The following RNF144A variants were observed in gnomAD, a reference collection of about 807,000 sequenced individuals.
The protein encoded by RNF144A is E3 ubiquitin-protein ligase RNF144A.
A neutral mutation model predicts 38.7 loss-of-function variants in RNF144A; 11 were observed. The ratio of observed to expected loss-of-function variants is 0.28; its 90% CI spans 0.18 to 0.47. RNF144A has a LOEUF of 0.47. Among genes scored for constraint, RNF144A ranks in the 20% least tolerant of loss-of-function variants. RNF144A has a pLI of 0.99. For synonymous variants in RNF144A, 149 were observed against 143.9 expected, an observed-to-expected ratio of 1.04 and a Z score of -0.25; for missense variants, 316 against 377.2, an observed-to-expected ratio of 0.84 and a Z score of 1.34.
chr2:7,015,597 C>T (rs1191223081), intron 5 of RNF144A, among the ~76,000 whole-genome samples: 1 of 152,190 alleles, frequency 6.6e-6, no homozygotes, highest in East Asian at 1.9e-4. Context: ...AGGTCTTTAG[C>T]TCTGCTCTCT....
chr2:7,065,552 T>C (rs1558472531), intron 6 of RNF144A, among the ~76,000 whole-genome samples: 1 of 152,198 alleles, frequency 6.6e-6, no homozygotes, highest in South Asian at 2.1e-4. Flanking sequence ...TAAAATTAGG[T>C]TTAGTATTAA....
chr2:7,011,385 T>C (rs952044824), intron 3 of RNF144A, among the ~76,000 whole-genome samples: 2 of 152,200 alleles, frequency 1.3e-5, no homozygotes, highest in Admixed American at 6.5e-5. Flanking sequence ...AAGTTTTCAA[T>C]TGAGGAGTAA....
intron 6 of RNF144A, among the ~76,000 whole-genome samples, chr2:7,051,659 C>T (rs1486694655): frequency 3.3e-5 from 5 of 152,138 alleles, no homozygotes; most frequent in Admixed American, 6.5e-5. Flanking sequence ...GAGGCCAAGG[C>T]GGGTGGATGA....
At position 6,928,991 on chromosome 2, in the gene RNF144A, A is replaced by C. The variant is rs548036685; in HGVS notation, c.-212+11369A>C. Among the ~76,000 whole-genome samples, 4 of 152,196 alleles carry C rather than the reference A, an allele frequency of 2.6e-5. No homozygotes were observed. In the South Asian group the frequency reaches 8.3e-4, roughly 32 times the overall value. On this transcript the variant is annotated intron_variant, in intron 1 of 8. Coordinates refer to ENST00000320892, the MANE Select transcript of RNF144A (RefSeq NM_014746.6). Reference sequence around the variant, plus strand: ...GTGACATGGAATGAAGTCAGCATCCATTTGCTCCCTAGACACAGCAGACTT... The same window carrying C: ...GTGACATGGAATGAAGTCAGCATCCCTTTGCTCCCTAGACACAGCAGACTT...
chr2:7,049,701 A>G (rs909645398), intron 6 of RNF144A, among the ~76,000 whole-genome samples: 27 of 152,250 alleles, frequency 1.8e-4, no homozygotes, highest in African/African-American at 6.3e-4. Flanking sequence ...AGGAATCAAC[A>G]TATTAATGAA....
At chr2:6,980,629 T>A (rs1668572990) in intron 2 of RNF144A, among the ~76,000 whole-genome samples, 1 of 152,242 alleles carries the variant, frequency 6.6e-6, no homozygotes, top group Non-Finnish European at 1.5e-5. Flanking sequence ...CCGCTGCAGC[T>A]GCTTTCATAG....
intron 6 of RNF144A, among the ~76,000 whole-genome samples, chr2:7,058,494 T>TA (rs1673829519): frequency 6.6e-6 from 1 of 152,220 alleles, no homozygotes; most frequent in Non-Finnish European, 1.5e-5. Flanking sequence ...ACTCTCCATC[T>TA]ATATCCATTC....
At chr2:7,013,400 G>A (rs1279263832) in intron 3 of RNF144A, among the ~76,000 whole-genome samples, 2 of 152,186 alleles carry the variant, frequency 1.3e-5, no homozygotes. Context: ...ATACGTTTTT[G>A]CGGGGAGATG....
intron 2 of RNF144A, among the ~76,000 whole-genome samples, chr2:6,987,230 C>G (rs184956660): frequency 1.3e-3 from 191 of 152,318 alleles, no homozygotes; most frequent in African/African-American, 4.4e-3. Flanking sequence ...GTTTTCCAAG[C>G]CAGGTGGCCT....
intron 3 of RNF144A, among the ~76,000 whole-genome samples, chr2:6,997,340 T>A (rs929391673): frequency 2.0e-5 from 3 of 152,188 alleles, no homozygotes; most frequent in Admixed American, 6.5e-5. Context: ...TCATAGCGCA[T>A]GTTCTCCTTG....
intron 5 of RNF144A, among the ~76,000 whole-genome samples, chr2:7,015,771 A>G (rs1054607635): frequency 6.6e-6 from 1 of 152,188 alleles, no homozygotes; most frequent in Non-Finnish European, 1.5e-5. Flanking sequence ...TGGACCTTGC[A>G]GGCGGATTCT....
At chr2:6,935,678 T>C (rs1665527624) in intron 1 of RNF144A, among the ~76,000 whole-genome samples, 1 of 86,276 alleles carries the variant, frequency 1.2e-5, no homozygotes, top group South Asian at 4.1e-4. Context: ...GCTTCCAGTG[T>C]TAATGGTAAC....
chr2:7,063,116 TGTG>T (rs1674043667), intron 6 of RNF144A, among the ~76,000 whole-genome samples: 1 of 152,158 alleles, frequency 6.6e-6, no homozygotes. Flanking sequence ...AAAACCTAGA[TGTG>T]GTGGTAATCC....
intron 2 of RNF144A, among the ~76,000 whole-genome samples, chr2:6,985,268 C>CTT (rs1558405817): frequency 7.8e-6 from 1 of 128,614 alleles, no homozygotes. Flanking sequence ...TCCCTCCCCC[C>CTT]TCTTTTTTTT....
chr2:7,059,939 A>T (rs940407400), intron 6 of RNF144A, among the ~76,000 whole-genome samples: 1 of 152,216 alleles, frequency 6.6e-6, no homozygotes, highest in Admixed American at 6.5e-5. Flanking sequence ...GTTGTTGTGG[A>T]CATCTGAACC....
intron 6 of RNF144A, among the ~76,000 whole-genome samples, chr2:7,063,293 C>A (rs72783752): frequency 6.6e-6 from 1 of 152,230 alleles, no homozygotes; most frequent in Non-Finnish European, 1.5e-5. Context: ...TTGGAGTTTA[C>A]GGGGAGAAAT....
At chr2:6,957,554 C>G (rs1401649285) in intron 2 of RNF144A, among the ~76,000 whole-genome samples, 2 of 152,144 alleles carry the variant, frequency 1.3e-5, no homozygotes, top group Non-Finnish European at 2.9e-5. Flanking sequence ...ATAGAGGCTG[C>G]TGTGGGATTG....
At chr2:6,933,901 T>G (rs1028494773) in intron 1 of RNF144A, among the ~76,000 whole-genome samples, 1 of 152,238 alleles carries the variant, frequency 6.6e-6, no homozygotes, top group Admixed American at 6.5e-5. Flanking sequence ...TTGATGGGTT[T>G]GTAAGTAATT....
At chr2:6,959,545 A>C (rs1019665988) in intron 2 of RNF144A, among the ~76,000 whole-genome samples, 14 of 152,196 alleles carry the variant, frequency 9.2e-5, no homozygotes, top group Admixed American at 2.0e-4. Flanking sequence ...GTCCGGGATC[A>C]GGTGACCTCA....
Sources: allele counts gnomAD v4.1 joint callset (sites outside exome capture counted in the v4.1 genomes callset), GRCh38; gene constraint gnomAD v4.1.1; transcripts MANE v1.5; gene names NCBI Gene and HGNC (gene_info 2026-07-23, HGNC 2026-07-21).